The following KMT2C variants were observed in gnomAD, a reference collection of about 807,000 sequenced individuals.
The protein encoded by KMT2C is histone-lysine N-methyltransferase 2C.
Under a neutral mutation model 507.9 loss-of-function variants are expected in KMT2C, and 88 were observed. That is an observed-to-expected ratio of 0.17 (90% CI 0.15 to 0.21). The LOEUF is 0.21. Among genes scored for constraint, KMT2C ranks in the 10% least tolerant of loss-of-function variants. KMT2C has a pLI of 1.00. For missense variants in KMT2C, 4,954 were observed against 5,957.8 expected, an observed-to-expected ratio of 0.83 and a Z score of 5.55; for synonymous variants, 2,049 against 2,080.8, an observed-to-expected ratio of 0.98 and a Z score of 0.42.
intron 28 of KMT2C, chr7:152,195,433 G>T: frequency 3.9e-6 from 2 of 516,018 alleles, no homozygotes; most frequent in Non-Finnish European, 5.0e-6. Context: ...CTGATAAACA[G>T]CATGCACCTA....
intron 32 of KMT2C, 106 bp downstream of exon 32, chr7:152,187,609 G>A (rs921479565): frequency 5.0e-5 from 72 of 1,442,860 alleles, no homozygotes; most frequent in Middle Eastern, 1.8e-4. Flanking sequence ...CACAATAAAC[G>A]CAACATACAA....
chr7:152,399,124 C>G (rs2097555866), intron 1 of KMT2C, among the ~76,000 whole-genome samples: 1 of 152,180 alleles, frequency 6.6e-6, no homozygotes, highest in Admixed American at 6.6e-5. Flanking sequence ...CCACCGCACC[C>G]AGCCAGTACT....
At chr7:152,353,557 G>A (rs560292194) in intron 2 of KMT2C, among the ~76,000 whole-genome samples, 5 of 152,188 alleles carry the variant, frequency 3.3e-5, no homozygotes, top group South Asian at 2.1e-4. Context: ...ACAGTGGTGC[G>A]ACTGATTACA....
chr7:152,253,853 C>T (rs1466508127), intron 9 of KMT2C, among the ~76,000 whole-genome samples: 4 of 152,092 alleles, frequency 2.6e-5, no homozygotes, highest in South Asian at 2.1e-4. Flanking sequence ...AGTAAAAGGC[C>T]AACCAGAGGC....
At chr7:152,184,125 A>T (rs532316653) in intron 34 of KMT2C, among the ~76,000 whole-genome samples, 1 of 104,632 alleles carries the variant, frequency 9.6e-6, no homozygotes, top group Non-Finnish European at 2.1e-5. Context: ...AATCAGTCTT[A>T]AAAAAAAAAA....
At chr7:152,349,044 G>C (rs1023401727) in intron 2 of KMT2C, among the ~76,000 whole-genome samples, 2 of 152,142 alleles carry the variant, frequency 1.3e-5, no homozygotes, top group African/African-American at 4.8e-5. Context: ...GCCAAAACCA[G>C]GGTGCAAATA....
At chr7:152,416,558 AAACAAC>A (rs2097738500) in intron 1 of KMT2C, among the ~76,000 whole-genome samples, 1 of 131,560 alleles carries the variant, frequency 7.6e-6, no homozygotes, top group African/African-American at 2.8e-5. Context: ...AAAAAAAAAC[AAACAAC>A]AACAACAAAA....
rs573999323 is a variant in KMT2C, at chr7:152,397,823, C to T, written c.161+37803G>A. ...ACTCACTCTCTCTTGCCTGCCACCACGTAAGACATGCCTTCTGCTGTGAGT... is the reference window on the plus strand; with the variant it reads ...ACTCACTCTCTCTTGCCTGCCACCATGTAAGACATGCCTTCTGCTGTGAGT... On this transcript the variant is annotated intron_variant, in intron 1 of 58. Coordinates refer to ENST00000262189, the MANE Select transcript of KMT2C (RefSeq NM_170606.3). 3.3e-5 allele frequency among the ~76,000 whole-genome samples: 5 copies of T among 152,298 alleles called. No homozygotes were observed. The South Asian group carries it at 6.2e-4, about 19-fold the overall frequency.
At chr7:152,318,287 A>G (rs955960144) in intron 3 of KMT2C, among the ~76,000 whole-genome samples, 17 of 151,966 alleles carry the variant, frequency 1.1e-4, no homozygotes, top group Admixed American at 2.6e-4. Flanking sequence ...ACCATTTTTG[A>G]GATTAGATTA....
intron 18 of KMT2C, among the ~76,000 whole-genome samples, chr7:152,227,511 A>G (rs1262483981): frequency 6.6e-6 from 1 of 152,242 alleles, no homozygotes; most frequent in African/African-American, 2.4e-5. Context: ...CACATAGTAC[A>G]GGAGACAGTG....
intron 1 of KMT2C, among the ~76,000 whole-genome samples, chr7:152,431,973 G>C (rs573438327): frequency 1.3e-5 from 2 of 152,260 alleles, no homozygotes; most frequent in Non-Finnish European, 2.9e-5. Context: ...AATTTTGTTG[G>C]GGGAAGGGCG....
intron 23 of KMT2C, among the ~76,000 whole-genome samples, chr7:152,215,571 G>A (rs537590900): frequency 6.8e-6 from 1 of 146,292 alleles, no homozygotes; most frequent in Non-Finnish European, 1.5e-5. Flanking sequence ...TCTATCAACA[G>A]GGGAAAGAAC....
intron 37 of KMT2C, among the ~76,000 whole-genome samples, chr7:152,178,498 T>C (rs979512906): frequency 6.6e-6 from 1 of 152,150 alleles, no homozygotes; most frequent in African/African-American, 2.4e-5. Flanking sequence ...TGGGATAGAA[T>C]AAACTTAGAG....
intron 1 of KMT2C, among the ~76,000 whole-genome samples, chr7:152,433,079 C>T (rs2097879703): frequency 1.3e-5 from 2 of 150,112 alleles, no homozygotes; most frequent in South Asian, 4.2e-4. Context: ...ATACACGAGG[C>T]AGAGGTTGCG....
In KMT2C at chr7:152,169,194, C is replaced by A; in HGVS notation, c.9509G>T (p.Gly3170Val). ...SRPNPPNFGP[G>V]FVNDSQRKQY... ...ATTAGATTTATACTTACTGACAAAGCCTGGACCAAAATTTGGAGGATTAGG... is the reference window on the plus strand; with the variant it reads ...ATTAGATTTATACTTACTGACAAAGACTGGACCAAAATTTGGAGGATTAGG... Residue 3170 changes from glycine to valine, a missense_variant, in exon 41 of 59, where the codon GGC becomes GTC. Coordinates refer to ENST00000262189, the MANE Select transcript of KMT2C (RefSeq NM_170606.3). 6.3e-7 allele frequency: 1 copy of A among 1,591,010 alleles called. No individual in the cohort carries two copies. The highest frequency in any genetic ancestry group is 1.1e-5 in the South Asian group (1 of 90,576).
At chr7:152,389,229 A>C (rs1446943128) in intron 1 of KMT2C, among the ~76,000 whole-genome samples, 2 of 151,790 alleles carry the variant, frequency 1.3e-5, no homozygotes, top group Non-Finnish European at 2.9e-5. Context: ...AAATTTCTCA[A>C]TTCTGGAGAC....
chr7:152,156,473 T>C, intron 44 of KMT2C, 127 bp from the exon 45 acceptor site: 2 of 1,191,714 alleles, frequency 1.7e-6, no homozygotes, highest in South Asian at 3.3e-5. Context: ...AAGATGTATC[T>C]TGCACACCAA....
chr7:152,246,692 A>C (rs1369165785), intron 14 of KMT2C, among the ~76,000 whole-genome samples: 2 of 148,216 alleles, frequency 1.3e-5, no homozygotes, highest in Non-Finnish European at 3.0e-5. Context: ...AAAACAAAAC[A>C]AAAAAAAACT....
At chr7:152,174,018 G>A (rs1299063430) in intron 39 of KMT2C, 113 bp downstream of exon 39, 4 of 585,748 alleles carry the variant, frequency 6.8e-6, no homozygotes, top group Non-Finnish European at 9.0e-6. Context: ...CTTAAATAGT[G>A]TTGTTCATTC....
Sources: gnomAD v4.1 joint callset for allele counts (sites outside exome capture counted in the v4.1 genomes callset) on GRCh38, gnomAD v4.1.1 for gene constraint, MANE v1.5 for transcripts, NCBI Gene and HGNC (gene_info 2026-07-23, HGNC 2026-07-21) for gene names.